BCL11B: variants seen among roughly 807,000 people sequenced by gnomAD.
The protein encoded by BCL11B is BCL11 transcription factor B, also known as B-cell lymphoma/leukemia 11B.
Under a neutral mutation model 49.9 loss-of-function variants are expected in BCL11B, and 8 were observed. That is an observed-to-expected ratio of 0.16 (90% confidence interval 0.09 to 0.29). BCL11B has a LOEUF of 0.29. BCL11B is among the 10% of genes least tolerant of loss of function. BCL11B has a pLI of 1.00. For synonymous variants in BCL11B, 739 were observed against 637.4 expected (o/e 1.16, Z -2.40); for missense variants, 1,006 against 1,351.0 (o/e 0.74, Z 4.00).
At chr14:99,193,480 G>C (rs1887095369) in intron 3 of BCL11B, among the ~76,000 whole-genome samples, 1 of 152,032 alleles carries the variant, frequency 6.6e-6, no homozygotes, top group South Asian at 2.1e-4. Flanking sequence ...AAAAAAAAGG[G>C]GACATTATTT....
chr14:99,227,676 C>T lies in BCL11B; in HGVS notation c.640+3669G>A, dbSNP rs114347794. On this transcript the variant is annotated intron_variant, in intron 3 of 3. Transcript: ENST00000357195. Reference sequence around the variant, plus strand: ...CTCGTTTTCAAATGTTGCATACATACACATATACATACATACGTGTATTTT... The same window carrying T: ...CTCGTTTTCAAATGTTGCATACATATACATATACATACATACGTGTATTTT... Among the ~76,000 whole-genome samples the T allele has an allele frequency of 6.4e-3, 975 of 152,284 alleles. 10 individuals are homozygous for T. The highest frequency in any genetic ancestry group is 0.022 in the African/African-American group (933 of 41,540).
rs777896969 is a variant in BCL11B, at chr14:99,174,457, G to A, written c.2379C>T (p.Arg793=). ...CGCAGTACTCGCACGTGTCGCTGCG[G>A]CGGCCCTCCTTGGAGCTGGGCCGCC... The part of the protein sequence containing the change: ...GPGRPSSKEG[R]RSDTCEYCGK... Residue 793 remains arginine (R), a synonymous_variant, in exon 4 of 4, where the codon CGC becomes CGT. Coordinates refer to ENST00000357195, the MANE Select transcript of BCL11B (RefSeq NM_138576.4). 1.4e-5 allele frequency: 22 copies of A among 1,607,220 alleles called. No homozygotes were observed. The highest frequency in any genetic ancestry group is 1.7e-5 in the Non-Finnish European group (20 of 1,177,920).
intron 1 of BCL11B, among the ~76,000 whole-genome samples, chr14:99,260,222 G>C (rs960526153): frequency 3.9e-5 from 6 of 152,152 alleles, no homozygotes; most frequent in Non-Finnish European, 7.3e-5. Flanking sequence ...ACAGGGGCGA[G>C]GTGCGGTACC....
At chr14:99,270,304 T>C (rs976063116) in intron 1 of BCL11B, among the ~76,000 whole-genome samples, 3 of 152,036 alleles carry the variant, frequency 2.0e-5, no homozygotes, top group African/African-American at 4.8e-5. Context: ...GTCTCCTTTT[T>C]TTCTTTTTTT....
At chr14:99,197,913 C>A (rs1352105253) in intron 3 of BCL11B, among the ~76,000 whole-genome samples, 1 of 152,156 alleles carries the variant, frequency 6.6e-6, no homozygotes, top group Non-Finnish European at 1.5e-5. Context: ...AGCCGCAAGC[C>A]AGGTATGGAA....
intron 2 of BCL11B, among the ~76,000 whole-genome samples, chr14:99,245,871 C>G (rs1343774677): frequency 6.6e-6 from 1 of 152,024 alleles, no homozygotes; most frequent in Non-Finnish European, 1.5e-5. Context: ...TCCATCTCCG[C>G]CGGCTGCCAG....
Position 99,175,186 on chromosome 14 carries a change from G to C in BCL11B, c.1650C>G (p.Ser550Arg). Reference sequence around the variant, plus strand: ...CCATGCTGAAGCTCGACTCGGGCCGGCTCTCGTTCTCCAGTAGCAGCTCCT... The same window carrying C: ...CCATGCTGAAGCTCGACTCGGGCCGCCTCTCGTTCTCCAGTAGCAGCTCCT... ...EEEELLLENE[S>R]RPESSFSMDS... The change falls in exon 4 of 4, where the codon AGC becomes AGG. Residue 550 changes from serine (S) to arginine (R), a missense_variant. Transcript: ENST00000357195. 1 of 1,571,238 alleles carries C rather than the reference G, an allele frequency of 6.4e-7. No homozygotes were observed. The highest frequency in any genetic ancestry group is 8.6e-7 in the Non-Finnish European group (1 of 1,160,720).
rs79437534 is a variant in BCL11B at position 99,225,527 on chromosome 14, C to T, written c.640+5818G>A. Among the ~76,000 whole-genome samples the T allele has an allele frequency of 2.2e-4, 34 of 152,262 alleles. No homozygotes were observed. In the East Asian group the frequency reaches 5.8e-3, roughly 26 times the overall value. On this transcript the variant is annotated intron_variant, in intron 3 of 3. Coordinates refer to ENST00000357195, the MANE Select transcript of BCL11B (RefSeq NM_138576.4). ...TTCACATCCACTAACTGCTTGAAAG[C>T]GCTGCATCCAGCACTGCATTAAAAA...
intron 3 of BCL11B, among the ~76,000 whole-genome samples, chr14:99,211,253 A>C (rs1416725435): frequency 6.6e-6 from 1 of 152,178 alleles, no homozygotes. Context: ...AGAAAGCACC[A>C]TGGGAGCAGC....
intron 3 of BCL11B, among the ~76,000 whole-genome samples, chr14:99,220,899 G>A (rs965445376): frequency 2.0e-5 from 3 of 152,076 alleles, no homozygotes; most frequent in Admixed American, 6.6e-5. Context: ...TGCCCAGGCT[G>A]GAGTGCAATG....
chr14:99,202,626 AG>A (rs1887418916), intron 3 of BCL11B, among the ~76,000 whole-genome samples: 2 of 152,188 alleles, frequency 1.3e-5, no homozygotes, highest in Non-Finnish European at 2.9e-5. Context: ...AGAGGGAGGC[AG>A]GGCCCACAGA....
intron 1 of BCL11B, among the ~76,000 whole-genome samples, chr14:99,265,230 A>G (rs2139970782): frequency 6.6e-6 from 1 of 152,366 alleles, no homozygotes; most frequent in East Asian, 1.9e-4. Context: ...CACCGTCTTC[A>G]GAGAAAGATG....
At chr14:99,226,178 C>T (rs997576585) in intron 3 of BCL11B, among the ~76,000 whole-genome samples, 1 of 152,250 alleles carries the variant, frequency 6.6e-6, no homozygotes, top group Non-Finnish European at 1.5e-5. Flanking sequence ...TTTTTAATAA[C>T]TCCCCTGAAA....
At chr14:99,235,036 G>A (rs1888452754) in intron 2 of BCL11B, among the ~76,000 whole-genome samples, 1 of 152,158 alleles carries the variant, frequency 6.6e-6, no homozygotes, top group African/African-American at 2.4e-5. Context: ...CTCCTGCTCC[G>A]TTCCTCACAC....
chr14:99,172,230 G>C lies in BCL11B; in HGVS notation c.*1921C>G, dbSNP rs1303304208. 1 of 224,916 alleles carries C rather than the reference G, an allele frequency of 4.4e-6. No homozygotes were observed. The highest frequency in any genetic ancestry group is 6.4e-5 in the East Asian group (1 of 15,580). 13.9% of individuals were successfully genotyped at this position (224,916 alleles called of 1,614,324 possible). ...TATCAACTTGTAACTTGTGTCACTT[G>C]AGTTTTAATTCAGCAGTAAATCACC... On this transcript the variant is annotated 3_prime_UTR_variant, in exon 4 of 4. Coordinates refer to ENST00000357195, the MANE Select transcript of BCL11B (RefSeq NM_138576.4).
At chr14:99,223,992 G>A (rs573193699) in intron 3 of BCL11B, among the ~76,000 whole-genome samples, 1 of 152,306 alleles carries the variant, frequency 6.6e-6, no homozygotes, top group East Asian at 1.9e-4. Context: ...GGCCCTCCAT[G>A]GGCACCCCCA....
Position 99,230,973 on chromosome 14 carries a change from G to T in BCL11B, c.640+372C>A, listed in dbSNP as rs145244240. The stretch of plus-strand genomic sequence containing the variant: ...AATCTTCCCCTAGCCTGGTCTTGGC[G>T]GGGCAGGGGATTGTCTGGGGTGGGG... On this transcript the variant is annotated intron_variant, in intron 3 of 3. Coordinates refer to ENST00000357195, the MANE Select transcript of BCL11B (RefSeq NM_138576.4). Among the ~76,000 whole-genome samples, 3 of 152,182 alleles carry T rather than the reference G, an allele frequency of 2.0e-5. No individual in the cohort carries two copies. In the South Asian group the frequency reaches 6.2e-4, roughly 32 times the overall value.
At chr14:99,191,179 G>C (rs904334403) in intron 3 of BCL11B, among the ~76,000 whole-genome samples, 21 of 149,590 alleles carry the variant, frequency 1.4e-4, no homozygotes, top group African/African-American at 5.2e-4. Context: ...GGCAATATTT[G>C]GAGATATTTG....
In BCL11B at chr14:99,204,739, A is replaced by G. The variant is rs1486547910; in HGVS notation, c.640+26606T>C. ...TTCCCCCACATCCAGACAGAGCGAG[A>G]GCTCGAGCCCAAGTGGTAAAAAGAA... On this transcript the variant is annotated intron_variant, in intron 3 of 3. Transcript: ENST00000357195. 3.3e-5 allele frequency among the ~76,000 whole-genome samples: 5 copies of G among 152,356 alleles called. No individual in the cohort carries two copies. In the South Asian group the frequency reaches 1.0e-3, roughly 32 times the overall value.
Sources: allele counts gnomAD v4.1 joint callset (sites outside exome capture counted in the v4.1 genomes callset), GRCh38; gene constraint gnomAD v4.1.1; transcripts MANE v1.5; gene names NCBI Gene and HGNC (gene_info 2026-07-23, HGNC 2026-07-21).